BMPR1B: variants seen among roughly 807,000 people sequenced by gnomAD.
The protein encoded by BMPR1B is bone morphogenetic protein receptor type-1B.
In BMPR1B, 12 loss-of-function variants were observed where a neutral mutation model predicts 59.1. The ratio of observed to expected loss-of-function variants is 0.20; its 90% confidence interval spans 0.13 to 0.33. The LOEUF (loss-of-function observed/expected upper bound fraction) is 0.33. Among genes scored for constraint, BMPR1B ranks in the 10% least tolerant of loss-of-function variants. The pLI, the probability that BMPR1B is intolerant of heterozygous loss-of-function variation, is 1.00. For synonymous variants in BMPR1B, 237 were observed against 207.3 expected, an observed-to-expected ratio of 1.14 and a Z score of -1.23; for missense variants, 550 against 610.9, an observed-to-expected ratio of 0.90 and a Z score of 1.05.
intron 12 of BMPR1B, among the ~76,000 whole-genome samples, chr4:95,153,897 G>A (rs1735233713): frequency 1.3e-5 from 2 of 152,164 alleles, no homozygotes; most frequent in African/African-American, 4.8e-5. Flanking sequence ...TTGGTTTTGT[G>A]TCTGGTTACT....
chr4:94,896,082 A>G (rs1381038014), intron 2 of BMPR1B, among the ~76,000 whole-genome samples: 5 of 152,046 alleles, frequency 3.3e-5, no homozygotes, highest in South Asian at 2.1e-4. Context: ...TTTTCGTTCA[A>G]TGACGTACTC....
chr4:94,913,299 G>A (rs980328018), intron 2 of BMPR1B, among the ~76,000 whole-genome samples: 2 of 152,138 alleles, frequency 1.3e-5, no homozygotes, highest in Admixed American at 1.3e-4. Flanking sequence ...TGTAAGTGGT[G>A]TTAACGAGAC....
At chr4:94,806,629 G>A (rs1723611772) in intron 1 of BMPR1B, among the ~76,000 whole-genome samples, 1 of 152,052 alleles carries the variant, frequency 6.6e-6, no homozygotes, top group African/African-American at 2.4e-5. Flanking sequence ...TGTGTTATAG[G>A]TCAAAATGTA....
chr4:95,009,808 G>A (rs929137170), intron 3 of BMPR1B, among the ~76,000 whole-genome samples: 21 of 152,146 alleles, frequency 1.4e-4, no homozygotes, highest in African/African-American at 5.1e-4. Flanking sequence ...TGTGTGAACT[G>A]TAACAAATTA....
Position 94,767,755 on chromosome 4 carries a change from C to T in BMPR1B, c.-183+9687C>T, listed in dbSNP as rs147158695. ...TGATTATGTTTTTCTTAGTAATTCT[C>T]AATGGACCAGATTCACTCCTTGCTT... On this transcript the variant is annotated intron_variant, in intron 1 of 12. Coordinates refer to ENST00000515059, the MANE Select transcript of BMPR1B (RefSeq NM_001203.3). 1.6e-3 allele frequency among the ~76,000 whole-genome samples: 251 copies of T among 152,160 alleles called. 2 individuals carry two copies. The highest frequency in any genetic ancestry group is 5.6e-3 in the African/African-American group (233 of 41,524).
intron 1 of BMPR1B, among the ~76,000 whole-genome samples, chr4:94,777,002 A>G (rs1188737052): frequency 6.6e-6 from 1 of 152,088 alleles, no homozygotes; most frequent in Non-Finnish European, 1.5e-5. Context: ...ATTTTTCCTT[A>G]TATCATTACA....
chr4:94,859,788 T>G (rs531749029), intron 1 of BMPR1B, among the ~76,000 whole-genome samples: 2 of 152,276 alleles, frequency 1.3e-5, no homozygotes, highest in East Asian at 3.9e-4. Flanking sequence ...AGCAAAATAT[T>G]TTTGTAATAT....
chr4:94,887,453 T>G (rs756589692), intron 2 of BMPR1B, among the ~76,000 whole-genome samples: 13 of 140,150 alleles, frequency 9.3e-5, no homozygotes, highest in Non-Finnish European at 1.8e-4. Flanking sequence ...GTGTCTACAT[T>G]CTAAACATTT....
At chr4:95,119,600 A>G (rs1043448075) in intron 6 of BMPR1B, among the ~76,000 whole-genome samples, 2 of 152,130 alleles carry the variant, frequency 1.3e-5, no homozygotes, top group African/African-American at 4.8e-5. Context: ...ATGACTTTTT[A>G]CAAGTGCTAT....
chr4:94,916,569 G>A (rs1226895465), intron 2 of BMPR1B, among the ~76,000 whole-genome samples: 1 of 152,174 alleles, frequency 6.6e-6, no homozygotes, highest in Non-Finnish European at 1.5e-5. Context: ...TTCACCATGT[G>A]GCCTGGCTGC....
chr4:95,017,719 C>T (rs1723679392), intron 3 of BMPR1B, among the ~76,000 whole-genome samples: 1 of 152,092 alleles, frequency 6.6e-6, no homozygotes, highest in African/African-American at 2.4e-5. Context: ...ATTGTTATTC[C>T]CATTTTTCAA....
chr4:95,023,416 C>T (rs1203049601), intron 3 of BMPR1B, among the ~76,000 whole-genome samples: 1 of 152,148 alleles, frequency 6.6e-6, no homozygotes, highest in Non-Finnish European at 1.5e-5. Flanking sequence ...GAGTCTTGCT[C>T]TGTCATCCAG....
chr4:94,790,542 A>G (rs964224851), intron 1 of BMPR1B, among the ~76,000 whole-genome samples: 1 of 152,102 alleles, frequency 6.6e-6, no homozygotes, highest in Admixed American at 6.5e-5. Flanking sequence ...AGCCCCGCCT[A>G]GATCTTTCTA....
At chr4:95,114,615 G>A in intron 4 of BMPR1B, 105 bp from the exon 5 acceptor site, 1 of 976,490 alleles carries the variant, frequency 1.0e-6, no homozygotes, top group South Asian at 1.3e-5. Flanking sequence ...TAAAACAAAT[G>A]ATACACATCA....
intron 3 of BMPR1B, among the ~76,000 whole-genome samples, chr4:95,044,562 A>AT (rs1221331826): frequency 1.3e-5 from 2 of 152,138 alleles, no homozygotes; most frequent in Non-Finnish European, 2.9e-5. Context: ...GTTGTGGGAT[A>AT]TTTTTTCTCT....
intron 2 of BMPR1B, among the ~76,000 whole-genome samples, chr4:94,983,242 G>C (rs575011741): frequency 2.2e-4 from 34 of 151,916 alleles, no homozygotes; most frequent in Admixed American, 3.9e-4. Flanking sequence ...TTTTATTATT[G>C]CTTTTTTTCC....
intron 1 of BMPR1B, among the ~76,000 whole-genome samples, chr4:94,763,310 A>G (rs1721849139): frequency 6.6e-6 from 1 of 152,226 alleles, no homozygotes; most frequent in Admixed American, 6.5e-5. Flanking sequence ...TAAAGTCTGC[A>G]TTGTTAGATC....
chr4:94,852,519 G>C (rs1478326813), intron 1 of BMPR1B, among the ~76,000 whole-genome samples: 2 of 151,930 alleles, frequency 1.3e-5, no homozygotes, highest in Non-Finnish European at 2.9e-5. Flanking sequence ...GTTCCAAATG[G>C]TTGTCATGGT....
At chr4:94,957,333 G>GTTTT (rs56341742) in intron 2 of BMPR1B, among the ~76,000 whole-genome samples, 11 of 65,638 alleles carry the variant, frequency 1.7e-4, no homozygotes, top group African/African-American at 6.1e-4. Context: ...CCTGTTTCGT[G>GTTTT]TTTTTTTTTT....
Sources: gnomAD v4.1 joint callset for allele counts (sites outside exome capture counted in the v4.1 genomes callset) on GRCh38, gnomAD v4.1.1 for gene constraint, MANE v1.5 for transcripts, NCBI Gene and HGNC (gene_info 2026-07-23, HGNC 2026-07-21) for gene names.